The following SV2C variants were observed in gnomAD, a reference collection of about 807,000 sequenced individuals.
The protein encoded by SV2C is synaptic vesicle glycoprotein 2C.
A neutral mutation model predicts 79.7 loss-of-function variants in SV2C; 49 were observed. That is an observed-to-expected ratio of 0.61 (90% CI 0.49 to 0.78). SV2C has a LOEUF of 0.78. Among genes scored for constraint, SV2C ranks in the 30% least tolerant of loss-of-function variants. The pLI is 0.00. For synonymous variants in SV2C, 334 were observed against 333.2 expected (o/e 1.00, Z -0.03); for missense variants, 833 against 912.9 (o/e 0.91, Z 1.13).
At chr5:76,064,161 G>A in the SV2C span, among the ~76,000 whole-genome samples, 1 of 152,158 alleles carries the variant, frequency 6.6e-6, no homozygotes, top group African/African-American at 2.4e-5. Flanking sequence ...ACAATGCAGA[G>A]GGAGATTAAA....
chr5:75,962,392 T>C, the SV2C span, among the ~76,000 whole-genome samples: 1 of 152,096 alleles, frequency 6.6e-6, no homozygotes, highest in African/African-American at 2.4e-5. Flanking sequence ...ATTAGAATAT[T>C]AGTACTCATT....
the SV2C span, among the ~76,000 whole-genome samples, chr5:75,948,367 T>A: frequency 1.3e-5 from 2 of 152,104 alleles, no homozygotes; most frequent in Non-Finnish European, 2.9e-5. Context: ...ATCCAACAAA[T>A]AATTATTGAG....
intron 1 of SV2C, among the ~76,000 whole-genome samples, chr5:76,112,655 C>G (rs1748130649): frequency 6.6e-6 from 1 of 152,152 alleles, no homozygotes; most frequent in Admixed American, 6.5e-5. Context: ...TCAGGTGACA[C>G]GTGATGGTGG....
In SV2C at chr5:76,285,257, C is replaced by T. The variant is rs770846000; in HGVS notation, c.1009C>T (p.Leu337Phe). The T allele has an allele frequency of 9.9e-6, 16 of 1,614,192 alleles. No homozygotes were observed. The South Asian group carries it at 1.8e-4, about 18-fold the overall frequency. ...ALPCVSSVVA[L>F]TFMPESPRFL... is the part of the protein sequence containing the mutation. ...CCCCTGTGTCTCCTCCGTGGTGGCC[C>T]TCACATTCATGCCTGAAAGCCCACG... The change falls in exon 5 of 13, where the codon CTC (leucine) becomes TTC (phenylalanine). Residue 337 changes from leucine to phenylalanine, a missense_variant. Transcript: ENST00000502798.
At chr5:76,223,456 T>C (rs1350793247) in intron 4 of SV2C, among the ~76,000 whole-genome samples, 2,041 of 32,156 alleles carry the variant, frequency 0.063, 59 homozygotes, top group East Asian at 0.085. Context: ...TATATATATA[T>C]ATATATATAT....
chr5:76,340,950 G>A (rs2112585076), intron 12 of SV2C, among the ~76,000 whole-genome samples: 1 of 136,282 alleles, frequency 7.3e-6, no homozygotes, highest in East Asian at 2.2e-4. Flanking sequence ...TTTTTTCCGA[G>A]ATGGAGTTTC....
At chr5:76,219,934 C>T (rs1166218869) in intron 4 of SV2C, among the ~76,000 whole-genome samples, 2 of 152,120 alleles carry the variant, frequency 1.3e-5, no homozygotes. Flanking sequence ...AGGCATTGTA[C>T]CAGGTAGGTT....
the SV2C span, among the ~76,000 whole-genome samples, chr5:76,037,963 C>A: frequency 6.6e-6 from 1 of 152,212 alleles, no homozygotes; most frequent in African/African-American, 2.4e-5. Context: ...TTTTTAAGCC[C>A]GTCGGAAAAG....
At chr5:75,920,697 G>T in the SV2C span, 2 of 741,220 alleles carry the variant, frequency 2.7e-6, no homozygotes, top group African/African-American at 3.4e-5. Flanking sequence ...TCTGTTGAGG[G>T]CACTGCCGGT....
chr5:75,909,162 A>C, the SV2C span, among the ~76,000 whole-genome samples: 1 of 152,134 alleles, frequency 6.6e-6, no homozygotes. Flanking sequence ...AAGGGACCAC[A>C]CTGATTTCCA....
chr5:76,155,601 A>C (rs1742698405), intron 2 of SV2C, among the ~76,000 whole-genome samples: 2 of 152,048 alleles, frequency 1.3e-5, no homozygotes, highest in Admixed American at 1.3e-4. Context: ...TCCAGCCTCC[A>C]CCCATAGGAC....
chr5:76,195,148 A>G, intron 3 of SV2C, 49 bp downstream of exon 3: 1 of 1,579,482 alleles, frequency 6.3e-7, no homozygotes, highest in Non-Finnish European at 8.6e-7. Context: ...ATTCTTCATA[A>G]TTCTCCACTC....
chr5:76,095,412 T>A (rs961441159), intron 1 of SV2C, among the ~76,000 whole-genome samples: 3 of 152,284 alleles, frequency 2.0e-5, no homozygotes, highest in Admixed American at 1.3e-4. Flanking sequence ...AGCTTTAGTG[T>A]GCTGCCTTTA....
chr5:76,216,910 C>T (rs369728481), intron 4 of SV2C, among the ~76,000 whole-genome samples: 1 of 152,202 alleles, frequency 6.6e-6, no homozygotes, highest in African/African-American at 2.4e-5. Context: ...TGCTAGACTG[C>T]GGCACTGTCC....
intron 1 of SV2C, among the ~76,000 whole-genome samples, chr5:76,096,045 A>G (rs1284644746): frequency 6.6e-6 from 1 of 152,166 alleles, no homozygotes; most frequent in Non-Finnish European, 1.5e-5. Context: ...TGAATCTGTC[A>G]GGATACAGAA....
Position 76,192,587 on chromosome 5 carries a change from T to A in SV2C, c.581-2332T>A, listed in dbSNP as rs75164296. ...AATGCAAACAGGGAAGGAAATACAGTTTGTGTCTGACAATCCCAGAGTGGT... is the reference window on the plus strand; with the variant it reads ...AATGCAAACAGGGAAGGAAATACAGATTGTGTCTGACAATCCCAGAGTGGT... On this transcript the variant is annotated intron_variant, in intron 2 of 12. Transcript: ENST00000502798. Among the ~76,000 whole-genome samples, 320 of 152,288 alleles carry A rather than the reference T, an allele frequency of 2.1e-3. 14 individuals are homozygous for A. In the East Asian group the frequency reaches 0.059, roughly 28 times the overall value.
the SV2C span, among the ~76,000 whole-genome samples, chr5:76,052,073 G>A: frequency 6.6e-6 from 1 of 152,058 alleles, no homozygotes; most frequent in South Asian, 2.1e-4. Flanking sequence ...CTCTAGTATA[G>A]CATCTGGGTC....
chr5:76,030,761 CA>C, the SV2C span, among the ~76,000 whole-genome samples: 17 of 134,722 alleles, frequency 1.3e-4, no homozygotes, highest in South Asian at 2.4e-4. Context: ...GACTCTGTCT[CA>C]AAAAAAAAAG....
the SV2C span, among the ~76,000 whole-genome samples, chr5:75,877,817 G>A: frequency 4.3e-3 from 648 of 151,882 alleles, 2 homozygotes; most frequent in Non-Finnish European, 7.0e-3. Flanking sequence ...TCATTTTCTC[G>A]GAAACCTCAT....
Sources: allele counts gnomAD v4.1 joint callset (sites outside exome capture counted in the v4.1 genomes callset), GRCh38; gene constraint gnomAD v4.1.1; transcripts MANE v1.5; gene names NCBI Gene and HGNC (gene_info 2026-07-23, HGNC 2026-07-21).